FHIT: variants seen among roughly 807,000 people sequenced by gnomAD.
The protein encoded by FHIT is bis(5'-adenosyl)-triphosphatase.
In FHIT, 19 loss-of-function variants were observed where a neutral mutation model predicts 17.9. The ratio of observed to expected loss-of-function variants is 1.06; its 90% CI spans 0.74 to 1.56. The LOEUF (loss-of-function observed/expected upper bound fraction) is 1.56. FHIT is among the 40% of genes most tolerant of loss of function. FHIT has a pLI of 0.00. For synonymous variants in FHIT, 81 were observed against 69.7 expected (o/e 1.16, Z -0.81); for missense variants, 248 against 189.2 (o/e 1.31, Z -1.82).
chr3:60,704,380 C>A (rs572138512), intron 4 of FHIT, among the ~76,000 whole-genome samples: 1 of 152,084 alleles, frequency 6.6e-6, no homozygotes, highest in African/African-American at 2.4e-5. Flanking sequence ...ATTATTTTTC[C>A]CCCACACCTG....
chr3:61,205,358 A>G (rs2039188638), intron 1 of FHIT, among the ~76,000 whole-genome samples: 1 of 152,174 alleles, frequency 6.6e-6, no homozygotes, highest in South Asian at 2.1e-4. Context: ...GGCTGAGTCA[A>G]ATGGTATATC....
At position 60,168,461 on chromosome 3, in the gene FHIT, T is replaced by A. The variant is rs149355174; in HGVS notation, c.104-154309A>T. Among the ~76,000 whole-genome samples, 7 of 152,284 alleles carry A rather than the reference T, an allele frequency of 4.6e-5. No homozygotes were observed. In the East Asian group the frequency reaches 1.4e-3, roughly 29 times the overall value. On this transcript the variant is annotated intron_variant, in intron 5 of 9. Transcript: ENST00000492590. Reference sequence around the variant, plus strand: ...CAGCTCCAAGGTGAAGGACCACTCTTGGGCATATCTCTCCAGGACTCAAAG... The same window carrying A: ...CAGCTCCAAGGTGAAGGACCACTCTAGGGCATATCTCTCCAGGACTCAAAG...
chr3:61,059,476 T>G (rs2034350490), intron 2 of FHIT, among the ~76,000 whole-genome samples: 1 of 151,924 alleles, frequency 6.6e-6, no homozygotes, highest in African/African-American at 2.4e-5. Flanking sequence ...ACACCTATTC[T>G]TGTGCTTTTT....
In FHIT at chr3:61,030,900, C is replaced by T. The variant is rs184640306; in HGVS notation, c.-111+11147G>A. Among the ~76,000 whole-genome samples, 36 of 152,150 alleles carry T rather than the reference C, an allele frequency of 2.4e-4. No individual in the cohort carries two copies. The East Asian group carries it at 7.0e-3, about 29-fold the overall frequency. On this transcript the variant is annotated intron_variant, in intron 3 of 9. Coordinates refer to ENST00000492590, the MANE Select transcript of FHIT (RefSeq NM_002012.4). ...GTCTGTTTCCATAACAGCAAGGGTC[C>T]CATGTGGCTGCAGGAGAGTAAGGGG...
Position 60,288,566 on chromosome 3 carries a change from A to AGTGTGTGT in FHIT, c.103+248286_103+248293dup, listed in dbSNP as rs139336094. Among the ~76,000 whole-genome samples the AGTGTGTGT allele has an allele frequency of 8.3e-3, 1,196 of 144,652 alleles. 5 individuals carry two copies. Among genetic ancestry groups the AGTGTGTGT allele is most frequent in the Non-Finnish European group, 0.012 (817 of 65,872 alleles). The allele number at this position is 144,652 out of a possible 152,430, so 94.9% of individuals were successfully genotyped here. On this transcript the variant is annotated intron_variant, in intron 5 of 9. Coordinates refer to ENST00000492590, the MANE Select transcript of FHIT (RefSeq NM_002012.4). ...CATTCTGTTTTCTAGGTTCTGGCAC[A>AGTGTGTGT]GTGTGTGTGTGTGTGTGTGTGTGTG...
chr3:60,755,283 A>G (rs1321186948), intron 4 of FHIT, among the ~76,000 whole-genome samples: 2 of 152,232 alleles, frequency 1.3e-5, no homozygotes, highest in East Asian at 1.9e-4. Flanking sequence ...TGATGAGGAC[A>G]TGACAACAGA....
At chr3:61,222,907 C>A (rs2039876653) in intron 1 of FHIT, among the ~76,000 whole-genome samples, 2 of 152,164 alleles carry the variant, frequency 1.3e-5, no homozygotes. Flanking sequence ...TGAGAGGTTT[C>A]AAAAGACAAT....
intron 4 of FHIT, among the ~76,000 whole-genome samples, chr3:60,758,164 G>A (rs1037944510): frequency 7.9e-5 from 12 of 152,168 alleles, no homozygotes; most frequent in African/African-American, 2.7e-4. Context: ...TCCTTCAGGT[G>A]GCCTCTGCCA....
At chr3:61,193,061 T>A (rs1336027018) in intron 2 of FHIT, among the ~76,000 whole-genome samples, 1 of 152,226 alleles carries the variant, frequency 6.6e-6, no homozygotes, top group Non-Finnish European at 1.5e-5. Flanking sequence ...ACCAATCCCC[T>A]AAATCCAGTC....
intron 4 of FHIT, among the ~76,000 whole-genome samples, chr3:60,621,119 T>C (rs2107752674): frequency 6.6e-6 from 1 of 151,326 alleles, no homozygotes; most frequent in East Asian, 1.9e-4. Context: ...CACAGTTTGG[T>C]ATTTATGCTT....
intron 2 of FHIT, among the ~76,000 whole-genome samples, chr3:61,168,289 G>A (rs977718322): frequency 3.9e-5 from 6 of 152,172 alleles, no homozygotes; most frequent in African/African-American, 1.4e-4. Flanking sequence ...AATACTTACT[G>A]TCTGGCCCTT....
At chr3:61,050,183 G>A (rs888901976) in intron 2 of FHIT, among the ~76,000 whole-genome samples, 4 of 151,964 alleles carry the variant, frequency 2.6e-5, no homozygotes, top group African/African-American at 9.7e-5. Context: ...TTGTTATAGC[G>A]GCTTCCATCA....
At chr3:60,062,684 C>G (rs1559595943) in intron 5 of FHIT, among the ~76,000 whole-genome samples, 1 of 152,098 alleles carries the variant, frequency 6.6e-6, no homozygotes, top group Non-Finnish European at 1.5e-5. Context: ...CAAAAACAAA[C>G]AGAAACGCTG....
intron 5 of FHIT, among the ~76,000 whole-genome samples, chr3:60,456,322 T>C (rs1396874887): frequency 6.6e-6 from 1 of 152,206 alleles, no homozygotes; most frequent in African/African-American, 2.4e-5. Flanking sequence ...CTAAAGAACA[T>C]TTATTTCACA....
chr3:60,177,003 C>G (rs1701705353), intron 5 of FHIT, among the ~76,000 whole-genome samples: 1 of 151,776 alleles, frequency 6.6e-6, no homozygotes, highest in East Asian at 1.9e-4. Flanking sequence ...AGAAAAAATA[C>G]AACATAAAAT....
At chr3:59,853,974 G>A (rs553908468) in intron 8 of FHIT, among the ~76,000 whole-genome samples, 1 of 152,070 alleles carries the variant, frequency 6.6e-6, no homozygotes, top group South Asian at 2.1e-4. Context: ...AAGTCATCAG[G>A]AGCTAATTAG....
intron 4 of FHIT, chr3:60,732,162 G>A (rs782458550): frequency 9.9e-5 from 77 of 776,174 alleles, no homozygotes; most frequent in Non-Finnish European, 1.7e-4. Context: ...GCTGTCCACA[G>A]TCAGCAATGG....
intron 5 of FHIT, among the ~76,000 whole-genome samples, chr3:60,215,685 C>T (rs928173961): frequency 6.6e-6 from 1 of 152,170 alleles, no homozygotes; most frequent in Admixed American, 6.5e-5. Flanking sequence ...CAATAGGCTA[C>T]TTAATTAAAA....
intron 5 of FHIT, among the ~76,000 whole-genome samples, chr3:60,181,301 A>G (rs1701923933): frequency 6.6e-6 from 1 of 151,946 alleles, no homozygotes; most frequent in Non-Finnish European, 1.5e-5. Flanking sequence ...GCCCACCACC[A>G]CATCTGGCTA....
Sources: allele counts gnomAD v4.1 joint callset (sites outside exome capture counted in the v4.1 genomes callset), GRCh38; gene constraint gnomAD v4.1.1; transcripts MANE v1.5; gene names NCBI Gene and HGNC (gene_info 2026-07-23, HGNC 2026-07-21).